The following ZNF431 variants were observed in gnomAD, a reference collection of about 807,000 sequenced individuals.
ZNF431 encodes the protein zinc finger protein 431.
In ZNF431, 34 loss-of-function variants were observed where a neutral mutation model predicts 57.0. The ratio of observed to expected loss-of-function variants is 0.60; its 90% confidence interval spans 0.45 to 0.79. The LOEUF is 0.79. Among genes scored for constraint, ZNF431 ranks in the 30% least tolerant of loss-of-function variants. The probability of loss-of-function intolerance (pLI) is 0.00; values close to 1 mark genes in which losing one functional copy is unlikely to be tolerated. For missense variants in ZNF431, 607 were observed against 667.1 expected (o/e 0.91, Z 0.99); for synonymous variants, 207 against 220.3 (o/e 0.94, Z 0.54).
At chr19:21,166,926 G>A (rs554938712) in intron 3 of ZNF431, among the ~76,000 whole-genome samples, 2 of 152,058 alleles carry the variant, frequency 1.3e-5, no homozygotes, top group East Asian at 1.9e-4. Context: ...GCAATGGTGC[G>A]ATCTTGGCTC....
At chr19:21,158,467 G>A (rs1179053839) in intron 2 of ZNF431, among the ~76,000 whole-genome samples, 3 of 152,104 alleles carry the variant, frequency 2.0e-5, no homozygotes, top group Non-Finnish European at 4.4e-5. Context: ...CAAAGTGCTG[G>A]GATACAGGTG....
intron 4 of ZNF431, among the ~76,000 whole-genome samples, chr19:21,178,938 G>A (rs1197008839): frequency 6.6e-6 from 1 of 152,052 alleles, no homozygotes; most frequent in East Asian, 1.9e-4. Context: ...AATCGTTTCA[G>A]AAGAAATGGT....
At chr19:21,148,821 A>G (rs564725884) in intron 2 of ZNF431, among the ~76,000 whole-genome samples, 6 of 152,326 alleles carry the variant, frequency 3.9e-5, no homozygotes, top group African/African-American at 4.8e-5. Context: ...ACACAAGTGT[A>G]TATAAGGTCT....
rs1381969078 is a variant in ZNF431, at chr19:21,170,637, CTTTCTTTTCTTTTCTTTTCTTTTTTT to C, written c.319+2994_319+3019del. ...ATATATCTAAATGATAACATAATTTCTTTCTTTTCTTTTCTTTTCTTTTTTTTTTCTTTTCTTTTCTTTTCTTTCTT... is the reference window on the plus strand; with the variant it reads ...ATATATCTAAATGATAACATAATTTCTTTCTTTTCTTTTCTTTTCTTTCTT... On this transcript the variant is annotated intron_variant, in intron 4 of 4. Coordinates refer to ENST00000311048, the MANE Select transcript of ZNF431 (RefSeq NM_133473.4). Among the ~76,000 whole-genome samples, 5 of 151,348 alleles carry C rather than the reference CTTTCTTTTCTTTTCTTTTCTTTTTTT, an allele frequency of 3.3e-5. No individual in the cohort carries two copies. In the South Asian group the frequency reaches 1.1e-3, roughly 32 times the overall value.
intron 4 of ZNF431, among the ~76,000 whole-genome samples, chr19:21,171,903 G>A (rs1017385569): frequency 2.0e-5 from 3 of 150,494 alleles, no homozygotes; most frequent in African/African-American, 7.3e-5. Context: ...TGTATTTTTA[G>A]TAGAGATGGG....
At chr19:21,165,199 A>G (rs1002890880) in intron 2 of ZNF431, among the ~76,000 whole-genome samples, 1 of 152,166 alleles carries the variant, frequency 6.6e-6, no homozygotes, top group African/African-American at 2.4e-5. Flanking sequence ...CTGCCATATT[A>G]AAAGTGTTCC....
At chr19:21,175,580 C>G in intron 4 of ZNF431, 1 of 544,076 alleles carries the variant, frequency 1.8e-6, no homozygotes. Flanking sequence ...TGATTCTCTC[C>G]CTCCCCGTGA....
chr19:21,168,967 A>C (rs935519478), intron 4 of ZNF431, among the ~76,000 whole-genome samples: 3 of 152,052 alleles, frequency 2.0e-5, no homozygotes, highest in Non-Finnish European at 4.4e-5. Context: ...GCTGGAGTGC[A>C]ATGGCATAAT....
intron 4 of ZNF431, among the ~76,000 whole-genome samples, chr19:21,174,964 G>A (rs747669642): frequency 1.3e-5 from 2 of 152,106 alleles, no homozygotes; most frequent in Non-Finnish European, 2.9e-5. Flanking sequence ...GTTTCACCAT[G>A]TTGGTCAGGC....
At chr19:21,150,753 C>T (rs1321354201) in intron 2 of ZNF431, among the ~76,000 whole-genome samples, 2 of 152,106 alleles carry the variant, frequency 1.3e-5, no homozygotes, top group Non-Finnish European at 2.9e-5. Context: ...CCCATAATTG[C>T]CATTAGCCAT....
chr19:21,168,751 T>G (rs1970796647), intron 4 of ZNF431, among the ~76,000 whole-genome samples: 2 of 152,146 alleles, frequency 1.3e-5, no homozygotes, highest in African/African-American at 4.8e-5. Context: ...TTTACCTTCT[T>G]CGTTATATTT....
rs1969953917 is a variant in ZNF431 at position 21,142,080 on chromosome 19, G to T, written c.-104G>T. On this transcript the variant is annotated 5_prime_UTR_variant, in exon 1 of 5. Transcript: ENST00000311048. ...CTGAGCTCCAGGTCTCCCCTTCGCTGCTCTGTGTCCTCTGCTCCTAGAGGC... is the reference window on the plus strand; with the variant it reads ...CTGAGCTCCAGGTCTCCCCTTCGCTTCTCTGTGTCCTCTGCTCCTAGAGGC... 1 of 1,497,702 alleles carries T rather than the reference G, an allele frequency of 6.7e-7. No homozygotes were observed. Among genetic ancestry groups the T allele is most frequent in the South Asian group, 1.2e-5 (1 of 86,746 alleles). 92.8% of individuals were successfully genotyped at this position (1,497,702 alleles called of 1,614,324 possible). A position where few individuals can be genotyped will look rare whatever the true frequency, so the allele number is the denominator to read the frequency against.
chr19:21,149,789 C>A (rs888492032), intron 2 of ZNF431: 4 of 637,074 alleles, frequency 6.3e-6, no homozygotes, highest in Non-Finnish European at 1.2e-5. Context: ...GATAGCTTCC[C>A]CCAGCTTAGC....
intron 2 of ZNF431, among the ~76,000 whole-genome samples, chr19:21,146,616 A>G (rs1568294615): frequency 6.6e-6 from 1 of 152,334 alleles, no homozygotes; most frequent in African/African-American, 2.4e-5. Flanking sequence ...GTAAGCTGTC[A>G]TGACACTTGT....
chr19:21,156,532 A>G (rs1970421284), intron 2 of ZNF431, among the ~76,000 whole-genome samples: 2 of 152,040 alleles, frequency 1.3e-5, no homozygotes, highest in Admixed American at 6.6e-5. Context: ...TTCGTTCTGC[A>G]TTCTCAACTA....
At chr19:21,162,604 C>A (rs796397107) in intron 2 of ZNF431, 20 of 495,156 alleles carry the variant, frequency 4.0e-5, no homozygotes, top group Non-Finnish European at 5.0e-5. Context: ...CACACCCGAC[C>A]AGATTCACCC....
At chr19:21,164,121 C>G (rs1239626651) in intron 2 of ZNF431, among the ~76,000 whole-genome samples, 2 of 151,756 alleles carry the variant, frequency 1.3e-5, no homozygotes, top group Non-Finnish European at 2.9e-5. Context: ...TACTTGTGCC[C>G]TTTCCACAGT....
At chr19:21,156,558 C>T (rs772346337) in intron 2 of ZNF431, among the ~76,000 whole-genome samples, 1 of 151,932 alleles carries the variant, frequency 6.6e-6, no homozygotes, top group African/African-American at 2.4e-5. Context: ...CAGTGTCTGT[C>T]GTTCCCTTCT....
intron 2 of ZNF431, 147 bp from the exon 3 acceptor site, chr19:21,166,188 G>C (rs1970715512): frequency 7.9e-7 from 1 of 1,271,596 alleles, no homozygotes; most frequent in East Asian, 2.7e-5. Flanking sequence ...AAATATTTCT[G>C]TGTTAAAAAT....
Sources: allele counts gnomAD v4.1 joint callset (sites outside exome capture counted in the v4.1 genomes callset), GRCh38; gene constraint gnomAD v4.1.1; transcripts MANE v1.5; gene names NCBI Gene and HGNC (gene_info 2026-07-23, HGNC 2026-07-21).